HPSE2: variants seen among roughly 807,000 people sequenced by gnomAD.
The protein encoded by HPSE2 is heparanase 2 (inactive), also known as inactive heparanase-2.
Under a neutral mutation model 60.5 loss-of-function variants are expected in HPSE2, and 38 were observed. The ratio of observed to expected loss-of-function variants is 0.63; its 90% CI spans 0.48 to 0.82. The LOEUF is 0.82. Among genes scored for constraint, HPSE2 ranks in the 40% least tolerant of loss-of-function variants. The probability of loss-of-function intolerance (pLI) is 0.00; values close to 1 mark genes in which losing one functional copy is unlikely to be tolerated. For synonymous variants in HPSE2, 295 were observed against 293.2 expected (o/e 1.01, Z -0.06); for missense variants, 713 against 740.4 (o/e 0.96, Z 0.43).
At chr10:98,968,593 C>A (rs562092220) in intron 3 of HPSE2, among the ~76,000 whole-genome samples, 1 of 152,200 alleles carries the variant, frequency 6.6e-6, no homozygotes, top group African/African-American at 2.4e-5. Context: ...ACGGAGCCAA[C>A]CTAAATGTCC....
intron 3 of HPSE2, among the ~76,000 whole-genome samples, chr10:98,825,872 G>T (rs1344951124): frequency 1.3e-5 from 2 of 152,186 alleles, no homozygotes; most frequent in Non-Finnish European, 2.9e-5. Context: ...GTGCCAAACA[G>T]CTGCAGCCAT....
the HPSE2 span, among the ~76,000 whole-genome samples, chr10:99,283,546 A>C: frequency 2.0e-5 from 3 of 151,988 alleles, no homozygotes; most frequent in Non-Finnish European, 4.4e-5. Context: ...TTAAAGGGAA[A>C]ATCAACAATA....
intron 7 of HPSE2, 130 bp downstream of exon 7, chr10:98,641,717 C>A: frequency 1.3e-6 from 1 of 773,824 alleles, no homozygotes; most frequent in Non-Finnish European, 2.3e-6. Flanking sequence ...CCATGCCCAT[C>A]TAGACTGCAC....
intron 3 of HPSE2, among the ~76,000 whole-genome samples, chr10:98,920,664 C>T (rs1954257015): frequency 6.6e-6 from 1 of 152,132 alleles, no homozygotes; most frequent in African/African-American, 2.4e-5. Flanking sequence ...ATTCTAACTT[C>T]CAGAACATCT....
At chr10:99,288,401 G>A in the HPSE2 span, among the ~76,000 whole-genome samples, 3 of 151,928 alleles carry the variant, frequency 2.0e-5, no homozygotes, top group South Asian at 6.2e-4. Context: ...AAAGCAACTA[G>A]GTATCTTGAA....
chr10:98,481,102 G>T (rs769191177), intron 11 of HPSE2, among the ~76,000 whole-genome samples: 1 of 152,168 alleles, frequency 6.6e-6, no homozygotes, highest in Non-Finnish European at 1.5e-5. Context: ...CACTGGGCAG[G>T]CTCAGCTCCT....
intron 5 of HPSE2, among the ~76,000 whole-genome samples, chr10:98,713,988 C>T (rs1889941): frequency 0.5 from 75,255 of 151,532 alleles, 20,931 homozygotes; most frequent in South Asian, 0.75. Flanking sequence ...ATCAACTGTC[C>T]CTTTACTTTT....
At chr10:98,827,602 C>T (rs562248662) in intron 3 of HPSE2, among the ~76,000 whole-genome samples, 52 of 152,144 alleles carry the variant, frequency 3.4e-4, no homozygotes, top group Admixed American at 1.1e-3. Context: ...TAGAGAAGGA[C>T]AGCTTAAATT....
the HPSE2 span, among the ~76,000 whole-genome samples, chr10:99,288,238 A>G: frequency 2.6e-5 from 4 of 152,112 alleles, no homozygotes; most frequent in African/African-American, 9.7e-5. Flanking sequence ...AGCCCTGAGC[A>G]AGAAAATCTA....
chr10:98,617,844 C>A (rs1391532022), intron 8 of HPSE2, among the ~76,000 whole-genome samples: 1 of 152,170 alleles, frequency 6.6e-6, no homozygotes, highest in Non-Finnish European at 1.5e-5. Flanking sequence ...ACCAAAGAAT[C>A]TCAAAGCCCT....
chr10:98,771,110 A>T (rs1950231406), intron 3 of HPSE2, among the ~76,000 whole-genome samples: 1 of 152,144 alleles, frequency 6.6e-6, no homozygotes, highest in African/African-American at 2.4e-5. Flanking sequence ...GGAGTTAACA[A>T]GTAACTAATG....
intron 3 of HPSE2, among the ~76,000 whole-genome samples, chr10:98,985,067 G>T (rs562936094): frequency 6.6e-6 from 1 of 152,192 alleles, no homozygotes; most frequent in African/African-American, 2.4e-5. Flanking sequence ...AAAACACTCT[G>T]CAGGATATTA....
the HPSE2 span, among the ~76,000 whole-genome samples, chr10:99,247,288 G>A: frequency 1.3e-5 from 2 of 152,190 alleles, no homozygotes; most frequent in Admixed American, 1.3e-4. Flanking sequence ...TCACTTCCCA[G>A]GAAAACAATC....
intron 3 of HPSE2, among the ~76,000 whole-genome samples, chr10:99,018,201 A>C (rs1321854543): frequency 1.3e-5 from 2 of 152,168 alleles, no homozygotes; most frequent in Non-Finnish European, 2.9e-5. Context: ...CCCACTTTGG[A>C]CTTCAGCTTA....
chr10:98,588,294 T>C (rs964255630), intron 9 of HPSE2, among the ~76,000 whole-genome samples: 1 of 152,088 alleles, frequency 6.6e-6, no homozygotes, highest in Non-Finnish European at 1.5e-5. Flanking sequence ...GGACATTGCC[T>C]GCATCACAGA....
rs1954842358 is a variant in HPSE2 at position 98,937,571 on chromosome 10, C to A, written c.611-193515G>T. ...CATTGCCCAGGCTTTCTTAGGTAAA[C>A]AAAGCAGCCTGGAAGCTCGAACTGG... On this transcript the variant is annotated intron_variant, in intron 3 of 11. Coordinates refer to ENST00000370552, the MANE Select transcript of HPSE2 (RefSeq NM_021828.5). 1.4e-5 allele frequency among the ~76,000 whole-genome samples: 2 copies of A among 144,114 alleles called. 1 individual carries two copies. Among genetic ancestry groups the A allele is most frequent in the Non-Finnish European group, 3.0e-5 (2 of 67,130 alleles). The allele number at this position is 144,114 out of a possible 152,430, so 94.5% of individuals were successfully genotyped here. A position where few individuals can be genotyped will look rare whatever the true frequency, so the allele number is the denominator to read the frequency against.
At chr10:98,722,312 G>T (rs919021856) in intron 4 of HPSE2, among the ~76,000 whole-genome samples, 1 of 151,118 alleles carries the variant, frequency 6.6e-6, no homozygotes, top group Non-Finnish European at 1.5e-5. Context: ...AGAATGCCAC[G>T]TGACAACAAA....
intron 3 of HPSE2, among the ~76,000 whole-genome samples, chr10:98,788,702 G>A (rs113899271): frequency 6.6e-6 from 1 of 151,898 alleles, no homozygotes; most frequent in Non-Finnish European, 1.5e-5. Flanking sequence ...GGAGTGACCC[G>A]ATTTTCCAGG....
chr10:99,214,685 A>G (rs971258795), intron 2 of HPSE2, among the ~76,000 whole-genome samples: 10 of 152,124 alleles, frequency 6.6e-5, no homozygotes, highest in Admixed American at 1.3e-4. Flanking sequence ...AAATTTTGCA[A>G]TCTGTCCATC....
Sources: gnomAD v4.1 joint callset for allele counts (sites outside exome capture counted in the v4.1 genomes callset) on GRCh38, gnomAD v4.1.1 for gene constraint, MANE v1.5 for transcripts, NCBI Gene and HGNC (gene_info 2026-07-23, HGNC 2026-07-21) for gene names.